Variants in STK39 observed in about 807,000 individuals in gnomAD.
STK39 encodes the protein STE20/SPS1-related proline-alanine-rich protein kinase.
A neutral mutation model predicts 77.8 loss-of-function variants in STK39; 20 were observed. The ratio of observed to expected loss-of-function variants is 0.26; its 90% CI spans 0.18 to 0.37. The LOEUF is 0.37. STK39 is among the 10% of genes least tolerant of loss of function. The pLI, the probability that STK39 is intolerant of heterozygous loss-of-function variation, is 1.00. For missense variants in STK39, 479 were observed against 656.5 expected (o/e 0.73, Z 2.95); for synonymous variants, 246 against 234.1 (o/e 1.05, Z -0.47).
chr2:168,056,120 A>G (rs908713858), intron 14 of STK39, among the ~76,000 whole-genome samples: 4 of 152,230 alleles, frequency 2.6e-5, no homozygotes, highest in Non-Finnish European at 4.4e-5. Flanking sequence ...CTGATATTGC[A>G]TATAACAGCA....
At chr2:168,099,144 G>A (rs1686753277) in intron 10 of STK39, among the ~76,000 whole-genome samples, 1 of 152,346 alleles carries the variant, frequency 6.6e-6, no homozygotes, top group Non-Finnish European at 1.5e-5. Flanking sequence ...AACGCCATGA[G>A]AGAGCCCATG....
chr2:168,190,444 C>T (rs573399150), intron 1 of STK39, among the ~76,000 whole-genome samples: 1 of 152,324 alleles, frequency 6.6e-6, no homozygotes, highest in Non-Finnish European at 1.5e-5. Flanking sequence ...ATTTGCAGAA[C>T]ATCCAGTTCA....
At chr2:168,142,180 T>C (rs1208137734) in intron 5 of STK39, among the ~76,000 whole-genome samples, 3 of 152,242 alleles carry the variant, frequency 2.0e-5, no homozygotes, top group South Asian at 2.1e-4. Flanking sequence ...AAGAAATCTC[T>C]GGAACCAGTC....
intron 14 of STK39, among the ~76,000 whole-genome samples, chr2:168,044,422 A>G (rs146407990): frequency 6.6e-6 from 1 of 152,334 alleles, no homozygotes; most frequent in Non-Finnish European, 1.5e-5. Context: ...TGAACATCAT[A>G]AAGTCAATTC....
chr2:168,087,898 T>C (rs1314136577), intron 10 of STK39, among the ~76,000 whole-genome samples: 1 of 152,170 alleles, frequency 6.6e-6, no homozygotes, highest in East Asian at 1.9e-4. Context: ...TTACCATAAC[T>C]TAAGAGAGAC....
chr2:168,032,376 C>T (rs1462251642), intron 14 of STK39, among the ~76,000 whole-genome samples: 3 of 152,168 alleles, frequency 2.0e-5, no homozygotes, highest in African/African-American at 7.2e-5. Context: ...AAGCAACACC[C>T]AGGGGTGTAA....
intron 1 of STK39, among the ~76,000 whole-genome samples, chr2:168,223,678 A>G (rs1690234257): frequency 6.6e-6 from 1 of 152,084 alleles, no homozygotes; most frequent in Admixed American, 6.5e-5. Flanking sequence ...GTGACCTTCA[A>G]CTGACTGTGA....
chr2:167,999,713 C>T (rs112305099), intron 16 of STK39, among the ~76,000 whole-genome samples: 51,714 of 151,930 alleles, frequency 0.34, 9,253 homozygotes, highest in African/African-American at 0.44. Context: ...CCACCCACCT[C>T]GGCCTCCCAA....
At chr2:168,207,331 C>T (rs1689767949) in intron 1 of STK39, among the ~76,000 whole-genome samples, 1 of 152,174 alleles carries the variant, frequency 6.6e-6, no homozygotes, top group South Asian at 2.1e-4. Flanking sequence ...AATACTATTC[C>T]GAGGGTAGTT....
chr2:168,235,054 T>C (rs866127569), intron 1 of STK39, among the ~76,000 whole-genome samples: 271 of 151,946 alleles, frequency 1.8e-3, no homozygotes, highest in African/African-American at 5.9e-3. Flanking sequence ...TTTTTTTTTT[T>C]TGAAACAGAG....
chr2:167,999,665 T>A (rs1445866883), intron 16 of STK39, among the ~76,000 whole-genome samples: 2 of 152,106 alleles, frequency 1.3e-5, no homozygotes, highest in Non-Finnish European at 2.9e-5. Flanking sequence ...GGTTTCACCA[T>A]GTTAGCCAGG....
chr2:168,063,693 C>T (rs1377359035), intron 13 of STK39, 123 bp from the exon 14 acceptor site: 3 of 791,846 alleles, frequency 3.8e-6, no homozygotes. Context: ...GATCTTTACA[C>T]ACGCAGGCCT....
At chr2:168,180,529 T>A (rs1342489802) in intron 2 of STK39, among the ~76,000 whole-genome samples, 1 of 152,142 alleles carries the variant, frequency 6.6e-6, no homozygotes, top group Admixed American at 6.5e-5. Context: ...CCAATTCAAC[T>A]CTTTTTAAAT....
At chr2:168,070,501 T>C (rs1391796808) in intron 12 of STK39, among the ~76,000 whole-genome samples, 1 of 151,968 alleles carries the variant, frequency 6.6e-6, no homozygotes, top group Non-Finnish European at 1.5e-5. Flanking sequence ...AACGTGCAGG[T>C]TTGTTACATA....
chr2:168,227,203 T>C (rs958927221), intron 1 of STK39, among the ~76,000 whole-genome samples: 1 of 152,194 alleles, frequency 6.6e-6, no homozygotes, highest in African/African-American at 2.4e-5. Flanking sequence ...GATGTATACA[T>C]AGAAAAACAT....
intron 10 of STK39, among the ~76,000 whole-genome samples, chr2:168,121,693 A>G (rs1400678391): frequency 6.6e-6 from 1 of 152,142 alleles, no homozygotes. Flanking sequence ...TCCTGATTTC[A>G]CTACATACTT....
intron 1 of STK39, among the ~76,000 whole-genome samples, chr2:168,213,105 A>C (rs1689933262): frequency 6.6e-6 from 1 of 152,252 alleles, no homozygotes; most frequent in Non-Finnish European, 1.5e-5. Flanking sequence ...CTGTGTGTGG[A>C]AACTGGGAGT....
At chr2:168,042,385 T>C (rs866042160) in intron 14 of STK39, among the ~76,000 whole-genome samples, 3 of 152,160 alleles carry the variant, frequency 2.0e-5, no homozygotes, top group African/African-American at 7.2e-5. Flanking sequence ...CCTTTAAAAA[T>C]CATCTTCATA....
At chr2:168,176,023 A>G (rs1199794315) in intron 2 of STK39, among the ~76,000 whole-genome samples, 1 of 152,202 alleles carries the variant, frequency 6.6e-6, no homozygotes, top group African/African-American at 2.4e-5. Context: ...ACAAATAGCT[A>G]AATGCAATTT....
Sources: gnomAD v4.1 joint callset for allele counts (sites outside exome capture counted in the v4.1 genomes callset) on GRCh38, gnomAD v4.1.1 for gene constraint, MANE v1.5 for transcripts, NCBI Gene and HGNC (gene_info 2026-07-23, HGNC 2026-07-21) for gene names.